The following GNG7 variants were observed in gnomAD, a reference collection of about 807,000 sequenced individuals.
GNG7 encodes guanine nucleotide-binding protein G(I)/G(S)/G(O) subunit gamma-7.
In GNG7, 1 loss-of-function variant was observed where a neutral mutation model predicts 4.0. That is an observed-to-expected ratio of 0.25 (90% confidence interval 0.09 to 1.18). The LOEUF (loss-of-function observed/expected upper bound fraction) is 1.18, where lower values mean the gene tolerates loss of function less well. Ranked by LOEUF, GNG7 falls within the 50% of genes most tolerant of loss-of-function variation. The pLI, the probability that GNG7 is intolerant of heterozygous loss-of-function variation, is 0.50. For missense variants in GNG7, 86 were observed against 91.9 expected (o/e 0.94, Z 0.26); for synonymous variants, 34 against 36.9 (o/e 0.92, Z 0.29).
rs886575143 is a variant in GNG7, at chr19:2,673,704, A to AAAAG, written c.-134-27428_-134-27425dup. Among the ~76,000 whole-genome samples the AAAAG allele has an allele frequency of 2.1e-3, 325 of 151,506 alleles. 3 individuals are homozygous for AAAAG. The highest frequency in any genetic ancestry group is 6.9e-3 in the African/African-American group (287 of 41,358). On this transcript the variant is annotated intron_variant, in intron 1 of 4. Transcript: ENST00000382159. ...GCGAGACTCCATCTAAAAAAAAAAA[A>AAAAG]AAAGAAAGAAAGAAAGAAAGAAAAA...
intron 2 of GNG7, among the ~76,000 whole-genome samples, chr19:2,629,341 G>A (rs949797809): frequency 3.3e-5 from 5 of 152,152 alleles, no homozygotes; most frequent in South Asian, 2.1e-4. Flanking sequence ...AGGAGGCAGC[G>A]CTTGGTGGCT....
chr19:2,528,956 C>T (rs559572993), intron 3 of GNG7, among the ~76,000 whole-genome samples: 2 of 152,312 alleles, frequency 1.3e-5, no homozygotes, highest in African/African-American at 4.8e-5. Flanking sequence ...CTGCACCCAG[C>T]GAATGTGGAA....
Position 2,575,260 on chromosome 19 carries a change from A to AT in GNG7, c.-77-20073dup, listed in dbSNP as rs1441812810. Among the ~76,000 whole-genome samples the AT allele has an allele frequency of 1.1e-4, 16 of 151,992 alleles. No homozygotes were observed. In the South Asian group the frequency reaches 3.1e-3, roughly 30 times the overall value. On this transcript the variant is annotated intron_variant, in intron 2 of 4. Transcript: ENST00000382159. ...CCAGCCTATCCAGCTAATTTTTAAA[A>AT]TTTTTTTGTAGAGACAGGGACTTGC...
chr19:2,575,444 G>A (rs1599400362), intron 2 of GNG7, among the ~76,000 whole-genome samples: 4 of 152,346 alleles, frequency 2.6e-5, no homozygotes, highest in East Asian at 1.9e-4. Context: ...CAGAACGGGC[G>A]CCTCCTCAGG....
At chr19:2,581,295 T>TG (rs1312203610) in intron 2 of GNG7, among the ~76,000 whole-genome samples, 17 of 21,072 alleles carry the variant, frequency 8.1e-4, no homozygotes, top group Admixed American at 3.3e-3. Flanking sequence ...GACAGACTGA[T>TG]GGGGGGGGCC....
chr19:2,528,529 G>A (rs1172057554), intron 3 of GNG7, among the ~76,000 whole-genome samples: 2 of 152,060 alleles, frequency 1.3e-5, no homozygotes, highest in South Asian at 2.1e-4. Context: ...GTAAATACAG[G>A]GGTGTTTCCA....
chr19:2,516,841 G>A (rs3752175), intron 4 of GNG7: 1,703 of 152,428 alleles, frequency 0.011, 12 homozygotes, highest in Middle Eastern at 0.027. Flanking sequence ...TCACAGGAGG[G>A]ACCCCCTGCC....
At chr19:2,684,500 G>A (rs1475750595) in intron 1 of GNG7, among the ~76,000 whole-genome samples, 1 of 151,988 alleles carries the variant, frequency 6.6e-6, no homozygotes, top group Non-Finnish European at 1.5e-5. Context: ...ACGGATGCAC[G>A]GATCAACGTA....
intron 1 of GNG7, among the ~76,000 whole-genome samples, chr19:2,687,174 C>T (rs1027728673): frequency 6.6e-6 from 1 of 152,038 alleles, no homozygotes; most frequent in Non-Finnish European, 1.5e-5. Flanking sequence ...CCTCCTGCCT[C>T]GGACTCCCGA....
chr19:2,661,302 G>GAAAGAAAGAAAGAAAAAGAAAGAA lies in GNG7; in HGVS notation c.-134-15023_-134-15022insTTCTTTCTTTTTCTTTCTTTCTTT. Among the ~76,000 whole-genome samples, 312 of 73,116 alleles carry GAAAGAAAGAAAGAAAAAGAAAGAA rather than the reference G, an allele frequency of 4.3e-3. 11 individuals carry two copies. Among genetic ancestry groups the GAAAGAAAGAAAGAAAAAGAAAGAA allele is most frequent in the African/African-American group, 6.0e-3 (111 of 18,496 alleles). The allele number at this position is 73,116 out of a possible 152,430, so 48.0% of individuals were successfully genotyped here. A position where few individuals can be genotyped will look rare whatever the true frequency, so the allele number is the denominator to read the frequency against. ...AGAAAGAAAGAAAGAAAGAAAGAAA[G>GAAAGAAAGAAAGAAAAAGAAAGAA]AGAAAGAAAGAAAGAAAGAAAGAAA... On this transcript the variant is annotated intron_variant, in intron 1 of 4. Coordinates refer to ENST00000382159, the MANE Select transcript of GNG7 (RefSeq NM_052847.3).
At chr19:2,678,494 C>T (rs1983649968) in intron 1 of GNG7, among the ~76,000 whole-genome samples, 1 of 152,188 alleles carries the variant, frequency 6.6e-6, no homozygotes, top group Non-Finnish European at 1.5e-5. Flanking sequence ...ACACAGTGGG[C>T]AGGTGGGTCA....
At chr19:2,691,454 G>A (rs1365372546) in intron 1 of GNG7, among the ~76,000 whole-genome samples, 2 of 152,100 alleles carry the variant, frequency 1.3e-5, no homozygotes, top group Non-Finnish European at 2.9e-5. Context: ...TGAGGTGGGA[G>A]AATCACTTGA....
At chr19:2,565,200 T>C (rs1431021872) in intron 2 of GNG7, among the ~76,000 whole-genome samples, 1 of 151,998 alleles carries the variant, frequency 6.6e-6, no homozygotes, top group East Asian at 1.9e-4. Context: ...ACACAACGTG[T>C]GCACCCTGCA....
chr19:2,522,124 G>A (rs12980007), intron 3 of GNG7, among the ~76,000 whole-genome samples: 87,349 of 151,860 alleles, frequency 0.58, 25,198 homozygotes, highest in Non-Finnish European at 0.59. Flanking sequence ...ACTTGGGGGT[G>A]CTCCTGGCAG....
chr19:2,531,764 C>G (rs1381270942), intron 3 of GNG7, among the ~76,000 whole-genome samples: 1 of 127,068 alleles, frequency 7.9e-6, no homozygotes, highest in Non-Finnish European at 1.6e-5. Flanking sequence ...GAGCGAGACT[C>G]CGTCCCAAAA....
chr19:2,685,147 G>C (rs535315033), intron 1 of GNG7, among the ~76,000 whole-genome samples: 2 of 151,058 alleles, frequency 1.3e-5, no homozygotes, highest in East Asian at 3.9e-4. Flanking sequence ...AAAGAAAAAA[G>C]AAAATAAAGT....
intron 1 of GNG7, among the ~76,000 whole-genome samples, chr19:2,651,763 G>T (rs1982837606): frequency 6.6e-6 from 1 of 151,618 alleles, no homozygotes; most frequent in African/African-American, 2.4e-5. Context: ...ATGGTGTTAT[G>T]CCATATTGGC....
At chr19:2,665,366 G>GC (rs1461204816) in intron 1 of GNG7, among the ~76,000 whole-genome samples, 2 of 86,720 alleles carry the variant, frequency 2.3e-5, no homozygotes, top group Non-Finnish European at 5.9e-5. Context: ...TCCCCTGGGG[G>GC]GGGGGGGGCA....
intron 1 of GNG7, among the ~76,000 whole-genome samples, chr19:2,683,215 G>T (rs552697624): frequency 9.3e-5 from 14 of 151,042 alleles, no homozygotes; most frequent in African/African-American, 3.4e-4. Flanking sequence ...CTCCAGCCTG[G>T]GCGACAGAGA....
Sources: allele counts gnomAD v4.1 joint callset (sites outside exome capture counted in the v4.1 genomes callset), GRCh38; gene constraint gnomAD v4.1.1; transcripts MANE v1.5; gene names NCBI Gene and HGNC (gene_info 2026-07-23, HGNC 2026-07-21).